Variants in MMP16 observed in about 807,000 individuals in gnomAD.
MMP16 encodes matrix metalloproteinase-16.
In MMP16, 12 loss-of-function variants were observed where a neutral mutation model predicts 67.8. That is an observed-to-expected ratio of 0.18 (90% CI 0.11 to 0.29). MMP16 has a LOEUF of 0.29. Ranked by LOEUF, MMP16 falls within the 10% of genes least tolerant of loss-of-function variation. The pLI is 1.00. For missense variants in MMP16, 475 were observed against 765.7 expected (o/e 0.62, Z 4.48); for synonymous variants, 249 against 255.9 (o/e 0.97, Z 0.26).
At chr8:88,307,607 T>G (rs73692222) in intron 1 of MMP16, among the ~76,000 whole-genome samples, 1 of 151,942 alleles carries the variant, frequency 6.6e-6, no homozygotes, top group South Asian at 2.1e-4. Context: ...CTTTTTTAGG[T>G]TAATAATTGA....
At chr8:88,053,323 T>G (rs546249340) in intron 8 of MMP16, among the ~76,000 whole-genome samples, 1 of 152,306 alleles carries the variant, frequency 6.6e-6, no homozygotes, top group East Asian at 1.9e-4. Context: ...TAGTAGATTA[T>G]TTTAAGTGAT....
At chr8:88,285,921 C>G (rs942072483) in intron 1 of MMP16, among the ~76,000 whole-genome samples, 1 of 152,134 alleles carries the variant, frequency 6.6e-6, no homozygotes, top group African/African-American at 2.4e-5. Flanking sequence ...ATCTCATCCT[C>G]CTCCTGCAAC....
At chr8:88,060,411 A>T (rs1384926741) in intron 7 of MMP16, among the ~76,000 whole-genome samples, 1 of 152,102 alleles carries the variant, frequency 6.6e-6, no homozygotes, top group Non-Finnish European at 1.5e-5. Context: ...TTGAAAATGC[A>T]TACTTGATTT....
chr8:88,176,408 G>A (rs1808890702), intron 3 of MMP16, among the ~76,000 whole-genome samples: 1 of 152,104 alleles, frequency 6.6e-6, no homozygotes, highest in Non-Finnish European at 1.5e-5. Flanking sequence ...AAAGTGTAGT[G>A]AGTAAATAAG....
intron 4 of MMP16, among the ~76,000 whole-genome samples, chr8:88,140,547 C>G (rs967062856): frequency 6.6e-6 from 1 of 151,990 alleles, no homozygotes; most frequent in African/African-American, 2.4e-5. Context: ...GCCTTAAACT[C>G]AAATTATAAT....
rs748797692 is a variant in MMP16 at position 88,041,809 on chromosome 8, CAT to C, written c.1490-16_1490-15del. On this transcript the variant is annotated splice_polypyrimidine_tract_variant and intron_variant, in intron 9 of 9. Coordinates refer to ENST00000286614, the MANE Select transcript of MMP16 (RefSeq NM_005941.5). The surrounding 1 kb of genome is among the most constrained non-coding windows in gnomAD (Gnocchi z 6.0). ...AATACGTAAAGCCTAGGGGGAAAAACATACACACACACAGGTACCACTTATTT... is the reference window on the plus strand; with the variant it reads ...AATACGTAAAGCCTAGGGGGAAAAACACACACACACAGGTACCACTTATTT... 825 of 1,558,738 alleles carry C rather than the reference CAT, an allele frequency of 5.3e-4. 7 individuals carry two copies. The African/African-American group carries it at 9.5e-3, about 18-fold the overall frequency.
At chr8:88,188,363 A>C (rs1563557395) in intron 2 of MMP16, among the ~76,000 whole-genome samples, 1 of 152,190 alleles carries the variant, frequency 6.6e-6, no homozygotes, top group Non-Finnish European at 1.5e-5. Context: ...ACAATACGTA[A>C]TTATGAAATC....
At chr8:88,046,940 G>C (rs1432719574) in intron 8 of MMP16, among the ~76,000 whole-genome samples, 156 bp from the exon 9 acceptor site, 1 of 152,112 alleles carries the variant, frequency 6.6e-6, no homozygotes. Flanking sequence ...ACTCCAACTG[G>C]CAAGCTCTTA....
intron 1 of MMP16, among the ~76,000 whole-genome samples, chr8:88,256,725 G>A (rs1204472749): frequency 6.6e-6 from 1 of 150,572 alleles, no homozygotes; most frequent in East Asian, 2.0e-4. Context: ...CATCCATCAG[G>A]GGAACTACAG....
intron 4 of MMP16, among the ~76,000 whole-genome samples, chr8:88,142,995 T>C (rs777879981): frequency 6.6e-6 from 1 of 152,202 alleles, no homozygotes; most frequent in Non-Finnish European, 1.5e-5. Flanking sequence ...TGTATGGATA[T>C]AGATATATCA....
At chr8:88,162,144 A>C (rs1053383551) in intron 4 of MMP16, among the ~76,000 whole-genome samples, 20 of 151,948 alleles carry the variant, frequency 1.3e-4, no homozygotes, top group Non-Finnish European at 1.2e-4. Flanking sequence ...GACTATACCA[A>C]ATTTTCTGCT....
chr8:88,116,769 C>G (rs1475837217), intron 5 of MMP16, 51 bp from the exon 6 acceptor site: 2 of 1,500,062 alleles, frequency 1.3e-6, no homozygotes, highest in Non-Finnish European at 1.8e-6. Context: ...TGGAATAGAG[C>G]TGGAAAATAT....
At position 88,054,043 on chromosome 8, in the gene MMP16, G is replaced by A. The variant is rs192817934; in HGVS notation, c.1373+2085C>T. 2.6e-5 allele frequency among the ~76,000 whole-genome samples: 4 copies of A among 152,074 alleles called. No homozygotes were observed. In the East Asian group the frequency reaches 5.8e-4, roughly 22 times the overall value. On this transcript the variant is annotated intron_variant, in intron 8 of 9. Transcript: ENST00000286614. ...ACCTCCACTGATTTCACAAATTTAA[G>A]GTAGTTCACGTTTAATCCTGAAACT... is the stretch of plus-strand genomic sequence containing the variant.
At chr8:88,168,411 G>C (rs961497522) in intron 3 of MMP16, among the ~76,000 whole-genome samples, 10 of 152,096 alleles carry the variant, frequency 6.6e-5, no homozygotes, top group Non-Finnish European at 1.3e-4. Flanking sequence ...TTCTTGATCT[G>C]TAAATATGAA....
chr8:88,299,129 G>C (rs746796979), intron 1 of MMP16, among the ~76,000 whole-genome samples: 11 of 152,072 alleles, frequency 7.2e-5, no homozygotes, highest in Non-Finnish European at 1.3e-4. Context: ...TCAGTAAAGA[G>C]CTCAGTCCTT....
At chr8:88,065,786 G>A (rs1808456382) in intron 7 of MMP16, among the ~76,000 whole-genome samples, 1 of 152,038 alleles carries the variant, frequency 6.6e-6, no homozygotes, top group African/African-American at 2.4e-5. Flanking sequence ...TTTGTGAGCA[G>A]CATAAAGAAA....
chr8:88,322,874 A>G (rs1367403467), intron 1 of MMP16, among the ~76,000 whole-genome samples: 1 of 152,100 alleles, frequency 6.6e-6, no homozygotes, highest in African/African-American at 2.4e-5. Flanking sequence ...AGAGAGGCAT[A>G]GTCAAGGTAG....
intron 6 of MMP16, among the ~76,000 whole-genome samples, chr8:88,091,875 T>G (rs961514318): frequency 6.6e-6 from 1 of 151,864 alleles, no homozygotes; most frequent in African/African-American, 2.4e-5. Context: ...TTTTGACTTG[T>G]GGCTATCATA....
intron 4 of MMP16, among the ~76,000 whole-genome samples, chr8:88,162,585 T>C (rs1005393674): frequency 6.6e-6 from 1 of 152,054 alleles, no homozygotes; most frequent in Non-Finnish European, 1.5e-5. Flanking sequence ...ATTCCCACAG[T>C]TGGTGGTACT....
Sources: allele counts gnomAD v4.1 joint callset (sites outside exome capture counted in the v4.1 genomes callset), GRCh38; gene constraint gnomAD v4.1.1; non-coding constraint Gnocchi (gnomAD v3.1); transcripts MANE v1.5; gene names NCBI Gene and HGNC (gene_info 2026-07-23, HGNC 2026-07-21).